Variants in PERP observed in about 807,000 individuals in gnomAD.
PERP encodes p53 apoptosis effector related to PMP22, also known as p53 apoptosis effector related to PMP-22.
A neutral mutation model predicts 20.3 loss-of-function variants in PERP; 11 were observed. That is an observed-to-expected ratio of 0.54 (90% confidence interval 0.34 to 0.90). The LOEUF (loss-of-function observed/expected upper bound fraction) is 0.90. Ranked by LOEUF, PERP falls within the 40% of genes least tolerant of loss-of-function variation. The pLI is 0.02. For missense variants in PERP, 224 were observed against 249.4 expected (o/e 0.90, Z 0.69); for synonymous variants, 101 against 102.0 (o/e 0.99, Z 0.06).
intron 2 of PERP, among the ~76,000 whole-genome samples, 178 bp downstream of exon 2, chr6:138,096,176 A>G (rs988266625): frequency 9.2e-5 from 14 of 152,196 alleles, no homozygotes; most frequent in African/African-American, 4.8e-5. Flanking sequence ...GAGCCACAAG[A>G]GGAAAGGGAA....
chr6:138,098,318 T>C (rs560720906), intron 1 of PERP, among the ~76,000 whole-genome samples: 1 of 152,170 alleles, frequency 6.6e-6, no homozygotes, highest in Non-Finnish European at 1.5e-5. Flanking sequence ...GAAACAAAGA[T>C]GGGGCTGGCA....
In PERP at chr6:138,096,500, A is replaced by G; in HGVS notation, c.215-6T>C. ...AGCCGCTGCTCTACCCCACGCTGCA[A>G]GAAAAAAAGAAACAGCAATTAACAA... On this transcript the variant is annotated splice_polypyrimidine_tract_variant and splice_region_variant and intron_variant, in intron 1 of 2. Coordinates refer to ENST00000421351, the MANE Select transcript of PERP (RefSeq NM_022121.5). 6.2e-7 allele frequency: 1 copy of G among 1,603,338 alleles called. No individual in the cohort carries two copies. Among genetic ancestry groups the G allele is most frequent in the Non-Finnish European group, 8.5e-7 (1 of 1,175,778 alleles).
chr6:138,103,046 CAG>C (rs1270163278), intron 1 of PERP, among the ~76,000 whole-genome samples: 3 of 149,534 alleles, frequency 2.0e-5, no homozygotes, highest in African/African-American at 7.4e-5. Flanking sequence ...TTGCAGTGAG[CAG>C]AGATTGTGCC....
chr6:138,093,985 T>C (rs1339419943), intron 2 of PERP, among the ~76,000 whole-genome samples: 1 of 152,206 alleles, frequency 6.6e-6, no homozygotes, highest in Non-Finnish European at 1.5e-5. Context: ...TGTAAATCTG[T>C]TGAAGCTCAC....
chr6:138,098,370 C>T (rs1055017822), intron 1 of PERP, among the ~76,000 whole-genome samples: 2 of 152,026 alleles, frequency 1.3e-5, no homozygotes, highest in Admixed American at 1.3e-4. Context: ...TCGTTTGGAC[C>T]CTGCCTCTGC....
At chr6:138,092,437 G>C (rs1775603602) in intron 2 of PERP, among the ~76,000 whole-genome samples, 169 bp from the exon 3 acceptor site, 1 of 152,182 alleles carries the variant, frequency 6.6e-6, no homozygotes, top group Non-Finnish European at 1.5e-5. Context: ...AAAGATTCTT[G>C]ACTACTGTGT....
In PERP at chr6:138,089,545, G is replaced by A. The variant is rs564659506; in HGVS notation, c.*2497C>T. ...CTAGAACTGCTTATTTAAAGGGTGGGAACTCAATATTTAATTACTGAACCA... is the reference window on the plus strand; with the variant it reads ...CTAGAACTGCTTATTTAAAGGGTGGAAACTCAATATTTAATTACTGAACCA... On this transcript the variant is annotated 3_prime_UTR_variant, in exon 3 of 3. Transcript: ENST00000421351. 6.6e-6 allele frequency: 1 copy of A among 152,240 alleles called. No individual in the cohort carries two copies. The highest frequency in any genetic ancestry group is 2.1e-4 in the South Asian group (1 of 4,814). The allele number at this position is 152,240 out of a possible 1,614,324, so 9.4% of individuals were successfully genotyped here.
chr6:138,092,585 A>G (rs2473094), intron 2 of PERP, among the ~76,000 whole-genome samples: 26,947 of 152,220 alleles, frequency 0.18, 2,671 homozygotes, highest in Non-Finnish European at 0.22. Context: ...AAACTGTGGC[A>G]TACAATAGAA....
intron 1 of PERP, among the ~76,000 whole-genome samples, chr6:138,101,228 C>T (rs555694749): frequency 6.6e-6 from 1 of 151,932 alleles, no homozygotes; most frequent in African/African-American, 2.4e-5. Flanking sequence ...AAATTAACTG[C>T]GTGTGGTGGC....
chr6:138,102,916 G>A (rs898134243), intron 1 of PERP, among the ~76,000 whole-genome samples: 1 of 151,842 alleles, frequency 6.6e-6, no homozygotes, highest in African/African-American at 2.4e-5. Flanking sequence ...TGGTTAACAT[G>A]GTGAAACCCC....
chr6:138,107,067 G>T lies in PERP; in HGVS notation c.214+60C>A. On this transcript the variant is annotated intron_variant, in intron 1 of 2. Transcript: ENST00000421351. The surrounding 1 kb of genome is among the most constrained non-coding windows in gnomAD (Gnocchi z 4.8). ...GGGCCCATCACGCGCGGCGGCTTTT[G>T]CAGGCCGCGGCCCCGAGGGCTTCCT... 6.6e-7 allele frequency: 1 copy of T among 1,514,588 alleles called. No individual in the cohort carries two copies. The allele number at this position is 1,514,588 out of a possible 1,614,324, so 93.8% of individuals were successfully genotyped here.
Position 138,107,095 on chromosome 6 carries a change from A to AGGCGGCGAC in PERP, c.214+23_214+31dup. 6.4e-7 allele frequency: 1 copy of AGGCGGCGAC among 1,574,314 alleles called. No homozygotes were observed. Among genetic ancestry groups the AGGCGGCGAC allele is most frequent in the Non-Finnish European group, 8.6e-7 (1 of 1,161,198 alleles). On this transcript the variant is annotated intron_variant, in intron 1 of 2. Transcript: ENST00000421351. The surrounding 1 kb of genome is among the most constrained non-coding windows in gnomAD (Gnocchi z 4.8). Reference sequence around the variant, plus strand: ...GGCCGCGGCCCCGAGGGCTTCCTGGAGGCGGCGACGGCGGCGGCGGCGGGC... The same window carrying AGGCGGCGAC: ...GGCCGCGGCCCCGAGGGCTTCCTGGAGGCGGCGACGGCGGCGACGGCGGCGGCGGCGGGC...
intron 2 of PERP, among the ~76,000 whole-genome samples, chr6:138,093,305 A>G (rs576756149): frequency 6.6e-6 from 1 of 152,260 alleles, no homozygotes; most frequent in Non-Finnish European, 1.5e-5. Flanking sequence ...TGTAGTCCTC[A>G]CCACCATTTT....
Position 138,091,904 on chromosome 6 carries a change from C to A in PERP, c.*138G>T, listed in dbSNP as rs1468861691. The stretch of plus-strand genomic sequence containing the variant: ...ACACTACTTAAAAAATATTTTCTCC[C>A]AAATTATTTTAGCATTTTTGACTAG... On this transcript the variant is annotated 3_prime_UTR_variant, in exon 3 of 3. Transcript: ENST00000421351. The A allele has an allele frequency of 5.3e-5, 36 of 676,868 alleles. No individual in the cohort carries two copies. Among genetic ancestry groups the A allele is most frequent in the Non-Finnish European group, 5.9e-5 (24 of 410,100 alleles). 41.9% of individuals were successfully genotyped at this position (676,868 alleles called of 1,614,324 possible).
chr6:138,098,793 C>T (rs972386744), intron 1 of PERP, among the ~76,000 whole-genome samples: 5 of 151,976 alleles, frequency 3.3e-5, no homozygotes, highest in African/African-American at 1.2e-4. Flanking sequence ...CAAATTAGGT[C>T]AGGATGGGGC....
chr6:138,103,154 T>C (rs1047163862), intron 1 of PERP, among the ~76,000 whole-genome samples: 8 of 151,642 alleles, frequency 5.3e-5, no homozygotes, highest in Non-Finnish European at 1.0e-4. Flanking sequence ...TAGGTACAGT[T>C]TTGTATTTTT....
rs577718949 is a variant in PERP, at chr6:138,101,897, T to C, written c.214+5230A>G. Among the ~76,000 whole-genome samples the C allele has an allele frequency of 6.6e-5, 10 of 152,198 alleles. No homozygotes were observed. The East Asian group carries it at 1.7e-3, about 26-fold the overall frequency. On this transcript the variant is annotated intron_variant, in intron 1 of 2. Coordinates refer to ENST00000421351, the MANE Select transcript of PERP (RefSeq NM_022121.5). ...AAAAGTGCTTACCTCCTCCGGGAAG[T>C]AGTTAAAATGCCGATTCCGATCCTT... is the stretch of plus-strand genomic sequence containing the variant.
chr6:138,096,214 G>T, intron 2 of PERP, 140 bp downstream of exon 2: 2 of 1,120,676 alleles, frequency 1.8e-6, no homozygotes, highest in Non-Finnish European at 2.5e-6. Context: ...TCTCTCCTCT[G>T]TTACTTCTGC....
In PERP at chr6:138,092,002, A is replaced by G. The variant is rs1238513661; in HGVS notation, c.*40T>C. ...GAAACAGTTTCTTCTTCTGGAGTCCATCTCAGCAGCAGCGATTTTCTCCCA... is the reference window on the plus strand; with the variant it reads ...GAAACAGTTTCTTCTTCTGGAGTCCGTCTCAGCAGCAGCGATTTTCTCCCA... On this transcript the variant is annotated 3_prime_UTR_variant, in exon 3 of 3. Coordinates refer to ENST00000421351, the MANE Select transcript of PERP (RefSeq NM_022121.5). 27 of 1,580,104 alleles carry G rather than the reference A, an allele frequency of 1.7e-5. No individual in the cohort carries two copies. The Admixed American group carries it at 4.6e-4, about 27-fold the overall frequency.
Sources: allele counts gnomAD v4.1 joint callset (sites outside exome capture counted in the v4.1 genomes callset), GRCh38; gene constraint gnomAD v4.1.1; non-coding constraint Gnocchi (gnomAD v3.1); transcripts MANE v1.5; gene names NCBI Gene and HGNC (gene_info 2026-07-23, HGNC 2026-07-21).